The following BACE2 variants were observed in gnomAD, a reference collection of about 807,000 sequenced individuals.
BACE2 encodes beta-secretase 2, also known as 56 kDa aspartic-like protease.
A neutral mutation model predicts 46.2 loss-of-function variants in BACE2; 17 were observed. The observed-to-expected ratio is 0.37, with a 90% CI of 0.25 to 0.55. BACE2 has a LOEUF of 0.55. Among genes scored for constraint, BACE2 ranks in the 20% least tolerant of loss-of-function variants. BACE2 has a pLI of 0.82. For missense variants in BACE2, 595 were observed against 698.1 expected, an observed-to-expected ratio of 0.85 and a Z score of 1.66; for synonymous variants, 277 against 295.9, an observed-to-expected ratio of 0.94 and a Z score of 0.66.
intron 1 of BACE2, chr21:41,180,032 C>G (rs1985055673): frequency 3.1e-6 from 1 of 317,920 alleles, no homozygotes; most frequent in African/African-American, 2.2e-5. Flanking sequence ...GGCGCTGCTC[C>G]TTGCAAAGCA....
In BACE2 at chr21:41,253,742, T is replaced by G. The variant is rs183312528; in HGVS notation, c.1134+2841T>G. 1.2e-4 allele frequency among the ~76,000 whole-genome samples: 19 copies of G among 152,312 alleles called. No individual in the cohort carries two copies. In the South Asian group the frequency reaches 2.1e-3, roughly 17 times the overall value. On this transcript the variant is annotated intron_variant, in intron 7 of 8. Transcript: ENST00000330333. ...AGCTCAGGAGCAGAATGAGAGGGGT[T>G]TGGGAGCATTTCATCTCATTTGCAC...
chr21:41,233,886 A>G (rs1260985101), intron 2 of BACE2, among the ~76,000 whole-genome samples: 4 of 152,212 alleles, frequency 2.6e-5, no homozygotes, highest in Admixed American at 6.5e-5. Flanking sequence ...GCTTGAACCC[A>G]GGAGGCGGAG....
chr21:41,170,807 T>C (rs1984580680), intron 1 of BACE2, among the ~76,000 whole-genome samples: 1 of 152,168 alleles, frequency 6.6e-6, no homozygotes, highest in Admixed American at 6.5e-5. Flanking sequence ...TTTCAAGAAT[T>C]AAGTAATAGT....
intron 1 of BACE2, chr21:41,180,640 G>C (rs114196369): frequency 6.0e-6 from 1 of 167,104 alleles, no homozygotes; most frequent in Non-Finnish European, 1.5e-5. Flanking sequence ...CAAGACAGTT[G>C]TCAAAGGTCC....
At chr21:41,252,688 G>C (rs1364753324) in intron 7 of BACE2, among the ~76,000 whole-genome samples, 1 of 152,164 alleles carries the variant, frequency 6.6e-6, no homozygotes, top group African/African-American at 2.4e-5. Flanking sequence ...CATCAGAACT[G>C]TTTGTGGAAT....
At chr21:41,223,720 C>A (rs1430976263) in intron 1 of BACE2, among the ~76,000 whole-genome samples, 1 of 152,216 alleles carries the variant, frequency 6.6e-6, no homozygotes. Context: ...TTAGGAACTT[C>A]AGCATCTCTT....
intron 1 of BACE2, chr21:41,178,842 T>C (rs376215287): frequency 1.2e-5 from 3 of 241,728 alleles, no homozygotes; most frequent in East Asian, 1.1e-4. Flanking sequence ...CCTCCCCTTA[T>C]AAGGAAGACA....
At chr21:41,207,923 C>T (rs1986179718) in intron 1 of BACE2, among the ~76,000 whole-genome samples, 1 of 152,236 alleles carries the variant, frequency 6.6e-6, no homozygotes, top group Non-Finnish European at 1.5e-5. Flanking sequence ...AGCTGGGACA[C>T]CCTGTCTTCA....
At chr21:41,189,244 C>T (rs1434873811) in intron 1 of BACE2, among the ~76,000 whole-genome samples, 1 of 151,496 alleles carries the variant, frequency 6.6e-6, no homozygotes, top group Admixed American at 6.6e-5. Context: ...AGTCTAGAAA[C>T]TCATAACGTT....
chr21:41,209,120 G>GCCAGGCCATC (rs749086496), intron 1 of BACE2, among the ~76,000 whole-genome samples: 9 of 152,314 alleles, frequency 5.9e-5, no homozygotes, highest in Admixed American at 1.3e-4. Flanking sequence ...TGAACACACC[G>GCCAGGCCATC]CCAGGCCATG....
chr21:41,201,104 G>A (rs1030739513), intron 1 of BACE2, among the ~76,000 whole-genome samples: 1 of 152,196 alleles, frequency 6.6e-6, no homozygotes, highest in African/African-American at 2.4e-5. Flanking sequence ...GCAGGAATGA[G>A]GAGACAAGGA....
intron 1 of BACE2, among the ~76,000 whole-genome samples, chr21:41,205,224 T>C (rs1380432555): frequency 6.6e-6 from 1 of 152,230 alleles, no homozygotes; most frequent in Non-Finnish European, 1.5e-5. Flanking sequence ...TTATCAGTCA[T>C]TATCATTAAC....
At chr21:41,222,921 G>A (rs937814706) in intron 1 of BACE2, among the ~76,000 whole-genome samples, 1 of 152,224 alleles carries the variant, frequency 6.6e-6, no homozygotes, top group Non-Finnish European at 1.5e-5. Flanking sequence ...GCTGTCGACC[G>A]AGATGGTCAA....
chr21:41,183,260 C>G (rs890780563), intron 1 of BACE2: 1 of 166,150 alleles, frequency 6.0e-6, no homozygotes, highest in African/African-American at 2.4e-5. Context: ...CAGTGACTTA[C>G]CTAGGTAAAA....
intron 3 of BACE2, among the ~76,000 whole-genome samples, chr21:41,239,027 C>T (rs1410115211): frequency 4.0e-5 from 6 of 151,000 alleles, no homozygotes; most frequent in African/African-American, 7.3e-5. Context: ...CTGGGTACCA[C>T]GCCCTGGCCT....
At position 41,275,566 on chromosome 21, in the gene BACE2, C is replaced by A. The variant is rs746549936; in HGVS notation, c.1499C>A (p.Pro500His). The A allele has an allele frequency of 6.2e-7, 1 of 1,614,040 alleles. No individual in the cohort carries two copies. The highest frequency in any genetic ancestry group is 8.5e-7 in the Non-Finnish European group (1 of 1,180,022). Residue 500 changes from proline to histidine, a missense_variant, in exon 9 of 9, where the codon CCC becomes CAC. Pro to His is a moderately conservative substitution (Grantham distance 77, BLOSUM62 -2). Around this residue, in one of 3 missense-constraint regions of BACE2, gnomAD observed 343 missense variants for 419.4 expected, o/e 0.82. Transcript: ENST00000330333. Reference sequence around the variant, plus strand: ...CTGCCGTTCCGGTGTCAGCGTCGCCCCCGTGACCCTGAGGTCGTCAATGAT... The same window carrying A: ...CTGCCGTTCCGGTGTCAGCGTCGCCACCGTGACCCTGAGGTCGTCAATGAT... ...LLLPFRCQRR[P>H]RDPEVVNDES...
chr21:41,253,632 TA>T (rs1295599399), intron 7 of BACE2, among the ~76,000 whole-genome samples: 1 of 151,934 alleles, frequency 6.6e-6, no homozygotes, highest in Non-Finnish European at 1.5e-5. Flanking sequence ...AGGCAGGCAT[TA>T]GGGGGAAACC....
At chr21:41,216,994 C>T (rs1436700786) in intron 1 of BACE2, among the ~76,000 whole-genome samples, 2 of 152,084 alleles carry the variant, frequency 1.3e-5, no homozygotes, top group African/African-American at 2.4e-5. Flanking sequence ...CGCAGTGGTG[C>T]GATCTTGGCT....
At chr21:41,185,685 A>T (rs1985344506) in intron 1 of BACE2, among the ~76,000 whole-genome samples, 1 of 152,230 alleles carries the variant, frequency 6.6e-6, no homozygotes, top group African/African-American at 2.4e-5. Flanking sequence ...GTGGCCTATA[A>T]TACCGATGCT....
Sources: allele counts gnomAD v4.1 joint callset (sites outside exome capture counted in the v4.1 genomes callset), GRCh38; gene constraint gnomAD v4.1.1; regional missense constraint gnomAD v4.1.1; transcripts MANE v1.5; gene names NCBI Gene and HGNC (gene_info 2026-07-23, HGNC 2026-07-21).